TCAIM: variants seen among roughly 807,000 people sequenced by gnomAD.
The protein encoded by TCAIM is T cell activation inhibitor, mitochondrial.
TCAIM carries 36 observed loss-of-function variants against 58.6 expected under a neutral mutation model. The observed-to-expected ratio is 0.61, with a 90% confidence interval of 0.47 to 0.81. The LOEUF (loss-of-function observed/expected upper bound fraction) is 0.81, where lower values mean the gene tolerates loss of function less well. TCAIM is among the 30% of genes least tolerant of loss of function. The pLI, the probability that TCAIM is intolerant of heterozygous loss-of-function variation, is 0.00. For synonymous variants in TCAIM, 172 were observed against 193.6 expected (o/e 0.89, Z 0.93); for missense variants, 466 against 579.6 (o/e 0.80, Z 2.01).
At chr3:44,363,369 T>C (rs1701322123) in intron 4 of TCAIM, among the ~76,000 whole-genome samples, 2 of 152,234 alleles carry the variant, frequency 1.3e-5, no homozygotes, top group African/African-American at 2.4e-5. Context: ...CTGACAAAGA[T>C]TTAAAACATT....
chr3:44,361,658 T>TC, intron 4 of TCAIM, 140 bp downstream of exon 4: 2 of 915,308 alleles, frequency 2.2e-6, no homozygotes, highest in South Asian at 2.8e-5. Flanking sequence ...TTTCCTAGAA[T>TC]TAGATTCTAT....
chr3:44,379,342 C>T (rs1281238839), intron 5 of TCAIM, among the ~76,000 whole-genome samples: 1 of 152,174 alleles, frequency 6.6e-6, no homozygotes, highest in African/African-American at 2.4e-5. Context: ...AAACAACTAA[C>T]ATTCAACCCA....
At chr3:44,400,636 G>A in intron 9 of TCAIM, 49 bp downstream of exon 9, 1 of 1,495,736 alleles carries the variant, frequency 6.7e-7, no homozygotes, top group Non-Finnish European at 9.3e-7. Context: ...GTCTAGGTGG[G>A]TTGTGTGTGT....
At chr3:44,403,326 A>G (rs1702051152) in intron 10 of TCAIM, among the ~76,000 whole-genome samples, 1 of 152,240 alleles carries the variant, frequency 6.6e-6, no homozygotes. Flanking sequence ...CCATTCTTTT[A>G]GCAAGAGACA....
intron 10 of TCAIM, among the ~76,000 whole-genome samples, chr3:44,407,180 A>G (rs917957404): frequency 6.6e-6 from 1 of 152,166 alleles, no homozygotes; most frequent in African/African-American, 2.4e-5. Context: ...TTTTAAATTT[A>G]TGTTATTTTT....
chr3:44,345,876 G>A (rs540204217), intron 1 of TCAIM, among the ~76,000 whole-genome samples: 15 of 152,294 alleles, frequency 9.8e-5, no homozygotes, highest in African/African-American at 3.1e-4. Flanking sequence ...AGTGTAAACC[G>A]GCAGTGGAAA....
intron 2 of TCAIM, among the ~76,000 whole-genome samples, chr3:44,355,641 A>G (rs1160350274): frequency 6.6e-6 from 1 of 152,230 alleles, no homozygotes; most frequent in African/African-American, 2.4e-5. Context: ...TGAACATTGT[A>G]AAGTGAGAAG....
intron 5 of TCAIM, among the ~76,000 whole-genome samples, chr3:44,387,695 G>A (rs753370710): frequency 1.3e-5 from 2 of 152,224 alleles, no homozygotes; most frequent in African/African-American, 2.4e-5. Flanking sequence ...GATCTGGGCC[G>A]GTAGTGTGAG....
At chr3:44,387,634 A>G (rs1701766445) in intron 5 of TCAIM, among the ~76,000 whole-genome samples, 3 of 152,118 alleles carry the variant, frequency 2.0e-5, no homozygotes, top group Non-Finnish European at 4.4e-5. Context: ...CCCTGCGCTC[A>G]CTCACACACC....
At chr3:44,401,474 T>C in intron 10 of TCAIM, 140 bp downstream of exon 10, 1 of 1,089,800 alleles carries the variant, frequency 9.2e-7, no homozygotes, top group Non-Finnish European at 1.2e-6. Context: ...CCATATTTAT[T>C]TCTTCCCTAC....
At chr3:44,369,443 G>T (rs1282584131) in intron 5 of TCAIM, among the ~76,000 whole-genome samples, 1 of 152,218 alleles carries the variant, frequency 6.6e-6, no homozygotes, top group Non-Finnish European at 1.5e-5. Flanking sequence ...GAAGCAGTTG[G>T]TCTGTGGTTC....
chr3:44,402,979 TAG>T (rs1342254450), intron 10 of TCAIM, among the ~76,000 whole-genome samples: 1 of 152,108 alleles, frequency 6.6e-6, no homozygotes, highest in Non-Finnish European at 1.5e-5. Context: ...ATCTTAAATA[TAG>T]AGAGAGGCTA....
In TCAIM at chr3:44,407,796, G is replaced by T; in HGVS notation, c.*114G>T. ...TTACATAAGAACAAAGTTTCTAACT[G>T]CTGCTTTAAAAGTAGACTTTTTTAA... On this transcript the variant is annotated 3_prime_UTR_variant, in exon 11 of 11. Coordinates refer to ENST00000342649, the MANE Select transcript of TCAIM (RefSeq NM_173826.4). 8.8e-7 allele frequency: 1 copy of T among 1,138,810 alleles called. No individual in the cohort carries two copies. The highest frequency in any genetic ancestry group is 1.2e-6 in the Non-Finnish European group (1 of 845,496). The allele number at this position is 1,138,810 out of a possible 1,614,324, so 70.5% of individuals were successfully genotyped here. A position where few individuals can be genotyped will look rare whatever the true frequency, so the allele number is the denominator to read the frequency against.
intron 10 of TCAIM, among the ~76,000 whole-genome samples, chr3:44,403,412 T>A (rs1702052627): frequency 6.6e-6 from 1 of 152,254 alleles, no homozygotes; most frequent in Non-Finnish European, 1.5e-5. Flanking sequence ...ATGGAATTGA[T>A]GACAACTCGG....
intron 2 of TCAIM, 97 bp from the exon 3 acceptor site, chr3:44,357,644 T>A: frequency 6.8e-7 from 1 of 1,461,958 alleles, no homozygotes; most frequent in Non-Finnish European, 9.2e-7. Flanking sequence ...TTGTTTCTGC[T>A]GTGCATAGTA....
rs140574567 is a variant in TCAIM, at chr3:44,342,439, C to T, written c.-45+3605C>T. On this transcript the variant is annotated intron_variant, in intron 1 of 10. Coordinates refer to ENST00000342649, the MANE Select transcript of TCAIM (RefSeq NM_173826.4). ...ATAAGAGCCCTAACAAAAACCCTAA[C>T]CCTAATAAACATGGTAGTAAAATTA... Among the ~76,000 whole-genome samples the T allele has an allele frequency of 5.1e-3, 781 of 152,258 alleles. 4 individuals are homozygous for T. Among genetic ancestry groups the T allele is most frequent in the Non-Finnish European group, 7.3e-3 (498 of 68,028 alleles).
intron 4 of TCAIM, among the ~76,000 whole-genome samples, chr3:44,367,183 T>C (rs1018504734): frequency 3.6e-4 from 55 of 152,314 alleles, no homozygotes; most frequent in African/African-American, 1.1e-3. Context: ...ATGGGTTTGG[T>C]CACTGGAGCC....
At chr3:44,388,296 C>T (rs908587638) in intron 5 of TCAIM, among the ~76,000 whole-genome samples, 12 of 152,124 alleles carry the variant, frequency 7.9e-5, no homozygotes, top group African/African-American at 2.7e-4. Context: ...AAATCGTGAG[C>T]CACATTTAGT....
At position 44,367,484 on chromosome 3, in the gene TCAIM, C is replaced by T. The variant is rs756608480; in HGVS notation, c.348C>T (p.His116=). ...TTCGAGCAGTCAAATTTACTTTGCA[C>T]ACCAGAGATCTGCTAAGCACAGTGT... The part of the protein sequence containing the change: ...SGFRAVKFTL[H]TRDLLSTVLY... The change falls in exon 5 of 11, where the codon CAC becomes CAT. Residue 116 remains histidine, a synonymous_variant. Transcript: ENST00000342649. 6.2e-7 allele frequency: 1 copy of T among 1,612,754 alleles called. No homozygotes were observed. Among genetic ancestry groups the T allele is most frequent in the Non-Finnish European group, 8.5e-7 (1 of 1,179,086 alleles).
Sources: gnomAD v4.1 joint callset for allele counts (sites outside exome capture counted in the v4.1 genomes callset) on GRCh38, gnomAD v4.1.1 for gene constraint, MANE v1.5 for transcripts, NCBI Gene and HGNC (gene_info 2026-07-23, HGNC 2026-07-21) for gene names.